The following STK38 variants were observed in gnomAD, a reference collection of about 807,000 sequenced individuals.
STK38 encodes serine/threonine kinase 38.
In STK38, 26 loss-of-function variants were observed where a neutral mutation model predicts 59.0. The observed-to-expected ratio is 0.44, with a 90% CI of 0.32 to 0.61. The LOEUF is 0.61. Ranked by LOEUF, STK38 falls within the 20% of genes least tolerant of loss-of-function variation. The pLI is 0.04. For missense variants in STK38, 433 were observed against 566.0 expected, an observed-to-expected ratio of 0.76 and a Z score of 2.38; for synonymous variants, 175 against 176.6, an observed-to-expected ratio of 0.99 and a Z score of 0.07.
At chr6:36,542,823 A>G (rs860513) in intron 1 of STK38, among the ~76,000 whole-genome samples, 66,206 of 150,798 alleles carry the variant, frequency 0.44, 16,377 homozygotes, top group African/African-American at 0.65. Flanking sequence ...GCAGGCGCCT[A>G]TAATCCCAGC....
chr6:36,499,968 G>A lies in STK38; in HGVS notation c.857C>T (p.Pro286Leu), dbSNP rs1158639006. The A allele has an allele frequency of 1.2e-6, 2 of 1,614,010 alleles. No homozygotes were observed. ...RQLAFSTVGT[P>L]DYIAPEVFMQ... is the part of the protein sequence containing the mutation. Reference sequence around the variant, plus strand: ...GAACACCTCAGGAGCAATGTAGTCAGGAGTGCCTACTGTGGAGAAGGCCTG... The same window carrying A: ...GAACACCTCAGGAGCAATGTAGTCAAGAGTGCCTACTGTGGAGAAGGCCTG... The change falls in exon 10 of 14, where the codon CCT becomes CTT. Residue 286 changes from proline (P) to leucine (L), a missense_variant. Coordinates refer to ENST00000229812, the MANE Select transcript of STK38 (RefSeq NM_007271.4).
chr6:36,516,351 GAGTTTAAAACTAAGAGAAAC>G (rs1237095803), intron 6 of STK38, among the ~76,000 whole-genome samples: 3 of 152,118 alleles, frequency 2.0e-5, no homozygotes, highest in African/African-American at 7.2e-5. Context: ...TATGTATAAG[GAGTTTAAAACTAAGAGAAAC>G]AGTAAAGATT....
At chr6:36,520,049 T>C (rs958732581) in intron 5 of STK38, among the ~76,000 whole-genome samples, 1 of 152,204 alleles carries the variant, frequency 6.6e-6, no homozygotes, top group African/African-American at 2.4e-5. Context: ...GTGATGAATT[T>C]GCACTGGTCT....
intron 4 of STK38, among the ~76,000 whole-genome samples, chr6:36,524,115 T>G (rs1023242948): frequency 2.0e-5 from 3 of 152,196 alleles, no homozygotes; most frequent in African/African-American, 7.2e-5. Flanking sequence ...TAAGTCAATA[T>G]TTAAACACCA....
chr6:36,533,960 C>G (rs577274816), intron 2 of STK38, among the ~76,000 whole-genome samples: 1 of 152,316 alleles, frequency 6.6e-6, no homozygotes, highest in African/African-American at 2.4e-5. Context: ...AAAAATTTGA[C>G]TATTCCACAT....
Position 36,525,408 on chromosome 6 carries a change from C to T in STK38, c.183+183G>A, listed in dbSNP as rs1231188529. Among the ~76,000 whole-genome samples, 3 of 152,232 alleles carry T rather than the reference C, an allele frequency of 2.0e-5. No homozygotes were observed. The East Asian group carries it at 5.8e-4, about 29-fold the overall frequency. On this transcript the variant is annotated intron_variant, in intron 3 of 13. Coordinates refer to ENST00000229812, the MANE Select transcript of STK38 (RefSeq NM_007271.4). The stretch of plus-strand genomic sequence containing the variant: ...CTGCATCTAGAGAAGCCTTCCTCTC[C>T]TAGGTACTTAATAATTAATCTGTCC...
Position 36,543,213 on chromosome 6 carries a change from C to T in STK38, c.-5-3006G>A, listed in dbSNP as rs182119563. Among the ~76,000 whole-genome samples the T allele has an allele frequency of 5.8e-3, 870 of 151,196 alleles. 8 individuals are homozygous for T. The highest frequency in any genetic ancestry group is 0.02 in the African/African-American group (826 of 41,286). On this transcript the variant is annotated intron_variant, in intron 1 of 13. Coordinates refer to ENST00000229812, the MANE Select transcript of STK38 (RefSeq NM_007271.4). ...CCGAGTAGCTGGGACTACAGGCACC[C>T]GCCACCACGCCCGGCTAATTTTTTC...
At chr6:36,516,878 C>T (rs1339042602) in intron 6 of STK38, among the ~76,000 whole-genome samples, 5 of 152,142 alleles carry the variant, frequency 3.3e-5, no homozygotes, top group South Asian at 2.1e-4. Flanking sequence ...CTTGAGGACA[C>T]GTTAGGAGCT....
At chr6:36,509,822 T>G (rs1384103893) in intron 7 of STK38, among the ~76,000 whole-genome samples, 3 of 152,100 alleles carry the variant, frequency 2.0e-5, no homozygotes, top group Non-Finnish European at 4.4e-5. Flanking sequence ...TCGGTCGCAG[T>G]CTGCAGTTTG....
intron 2 of STK38, among the ~76,000 whole-genome samples, chr6:36,529,838 CATAGCCTG>C (rs1777623949): frequency 1.3e-5 from 2 of 152,202 alleles, no homozygotes; most frequent in African/African-American, 4.8e-5. Flanking sequence ...CCCCTCTTGG[CATAGCCTG>C]ATTTGGAGGT....
At chr6:36,540,745 G>A (rs1777916134) in intron 1 of STK38, among the ~76,000 whole-genome samples, 1 of 151,986 alleles carries the variant, frequency 6.6e-6, no homozygotes, top group African/African-American at 2.4e-5. Flanking sequence ...TCCCACCTCA[G>A]TTTCCCGAGT....
At chr6:36,525,851 G>A (rs903597091) in intron 2 of STK38, among the ~76,000 whole-genome samples, 1 of 151,706 alleles carries the variant, frequency 6.6e-6, no homozygotes, top group African/African-American at 2.4e-5. Flanking sequence ...GCGGGGGGAG[G>A]GGGGCAGGTT....
At chr6:36,513,716 G>T (rs897525076) in intron 7 of STK38, among the ~76,000 whole-genome samples, 1 of 151,686 alleles carries the variant, frequency 6.6e-6, no homozygotes, top group African/African-American at 2.4e-5. Flanking sequence ...ACATTATAAT[G>T]AAGAAAAAAG....
intron 1 of STK38, among the ~76,000 whole-genome samples, chr6:36,546,106 A>G (rs893962999): frequency 6.6e-6 from 1 of 152,228 alleles, no homozygotes; most frequent in Non-Finnish European, 1.5e-5. Context: ...ACTGAACTGT[A>G]AATCCTACTA....
chr6:36,541,607 A>G (rs899814793), intron 1 of STK38, among the ~76,000 whole-genome samples: 10 of 152,212 alleles, frequency 6.6e-5, no homozygotes, highest in Admixed American at 3.9e-4. Flanking sequence ...GACAATTAAA[A>G]TATGTCCAAA....
In STK38 at chr6:36,547,472, C is replaced by G. The variant is rs923049815; in HGVS notation, c.-288G>C. 6.6e-6 allele frequency: 1 copy of G among 152,214 alleles called. No homozygotes were observed. Among genetic ancestry groups the G allele is most frequent in the Non-Finnish European group, 1.5e-5 (1 of 68,068 alleles). 9.4% of individuals were successfully genotyped at this position (152,214 alleles called of 1,614,324 possible). A position where few individuals can be genotyped will look rare whatever the true frequency, so the allele number is the denominator to read the frequency against. ...CTGGCGCGGCAGCCCGGGGCCGAGACTACGCATGCGCGACTTCCCGGAGCG... is the reference window on the plus strand; with the variant it reads ...CTGGCGCGGCAGCCCGGGGCCGAGAGTACGCATGCGCGACTTCCCGGAGCG... On this transcript the variant is annotated 5_prime_UTR_variant, in exon 1 of 14. Coordinates refer to ENST00000229812, the MANE Select transcript of STK38 (RefSeq NM_007271.4).
chr6:36,542,367 A>ATTC (rs1166741892), intron 1 of STK38, among the ~76,000 whole-genome samples: 1 of 152,238 alleles, frequency 6.6e-6, no homozygotes, highest in Non-Finnish European at 1.5e-5. Flanking sequence ...CTGAATCACG[A>ATTC]TTCTAGTGGT....
At chr6:36,536,274 A>G (rs1777788374) in intron 2 of STK38, among the ~76,000 whole-genome samples, 1 of 152,214 alleles carries the variant, frequency 6.6e-6, no homozygotes, top group African/African-American at 2.4e-5. Context: ...CATATCATAC[A>G]CATCTATTAA....
intron 7 of STK38, among the ~76,000 whole-genome samples, chr6:36,509,339 C>T (rs924226321): frequency 1.3e-5 from 2 of 152,124 alleles, no homozygotes; most frequent in African/African-American, 2.4e-5. Context: ...ACCTCCCAGA[C>T]GCAGGCAGGT....
Sources: gnomAD v4.1 joint callset for allele counts (sites outside exome capture counted in the v4.1 genomes callset) on GRCh38, gnomAD v4.1.1 for gene constraint, MANE v1.5 for transcripts, NCBI Gene and HGNC (gene_info 2026-07-23, HGNC 2026-07-21) for gene names.